ZFAT: variants seen among roughly 807,000 people sequenced by gnomAD.
ZFAT encodes zinc finger and AT-hook domain containing, also known as zinc finger protein ZFAT.
In ZFAT, 64 loss-of-function variants were observed where a neutral mutation model predicts 117.7. The ratio of observed to expected loss-of-function variants is 0.54; its 90% CI spans 0.44 to 0.67. ZFAT has a LOEUF of 0.67. Ranked by LOEUF, ZFAT falls within the 30% of genes least tolerant of loss-of-function variation. The pLI is 0.00. For synonymous variants in ZFAT, 679 were observed against 615.0 expected, an observed-to-expected ratio of 1.10 and a Z score of -1.54; for missense variants, 1,433 against 1,584.5, an observed-to-expected ratio of 0.90 and a Z score of 1.62.
At chr8:134,482,268 G>A (rs368416168) in intron 15 of ZFAT, among the ~76,000 whole-genome samples, 1 of 152,178 alleles carries the variant, frequency 6.6e-6, no homozygotes, top group African/African-American at 2.4e-5. Context: ...AGGCGTTTAG[G>A]GATGTCTGTC....
chr8:134,606,133 A>T (rs1827872492), intron 5 of ZFAT, among the ~76,000 whole-genome samples: 1 of 152,242 alleles, frequency 6.6e-6, no homozygotes, highest in East Asian at 1.9e-4. Context: ...AAAGAGGCCC[A>T]GATGGCTGGA....
intron 15 of ZFAT, among the ~76,000 whole-genome samples, chr8:134,481,399 C>T (rs897195701): frequency 2.0e-5 from 3 of 152,214 alleles, no homozygotes; most frequent in African/African-American, 7.2e-5. Context: ...GAGACAAACC[C>T]ATCCATGAGC....
Position 134,634,590 on chromosome 8 carries a change from C to CAT in ZFAT, c.448+2870_448+2871insAT, listed in dbSNP as rs781086640. ...GTCTACAAATATGTATACATATTGA[C>CAT]ACACACACACACACATTTAGGAATA... On this transcript the variant is annotated intron_variant, in intron 3 of 15. Transcript: ENST00000377838. Among the ~76,000 whole-genome samples, 5 of 147,160 alleles carry CAT rather than the reference C, an allele frequency of 3.4e-5. No homozygotes were observed. In the East Asian group the frequency reaches 9.7e-4, roughly 28 times the overall value.
chr8:134,551,417 C>T (rs1823159474), intron 11 of ZFAT, among the ~76,000 whole-genome samples: 1 of 152,176 alleles, frequency 6.6e-6, no homozygotes, highest in African/African-American at 2.4e-5. Context: ...ACAAAGAAAC[C>T]AGTCCACCCG....
intron 15 of ZFAT, among the ~76,000 whole-genome samples, chr8:134,507,798 C>T (rs1819526512): frequency 6.6e-6 from 1 of 152,176 alleles, no homozygotes; most frequent in Admixed American, 6.5e-5. Flanking sequence ...ACCAGAAGCA[C>T]CTTCCTGCAC....
At chr8:134,565,686 G>T (rs999061088) in intron 10 of ZFAT, 1 of 565,450 alleles carries the variant, frequency 1.8e-6, no homozygotes. Context: ...ATTCGATCAG[G>T]CTCCTAAAGA....
intron 3 of ZFAT, among the ~76,000 whole-genome samples, chr8:134,633,637 G>A (rs1397784566): frequency 2.6e-5 from 4 of 152,214 alleles, no homozygotes; most frequent in Non-Finnish European, 5.9e-5. Context: ...ACAGACCCTG[G>A]AGCCAGCCCA....
At chr8:134,552,041 A>G (rs1274573911) in intron 11 of ZFAT, among the ~76,000 whole-genome samples, 1 of 152,206 alleles carries the variant, frequency 6.6e-6, no homozygotes, top group Non-Finnish European at 1.5e-5. Context: ...AAAAACTGAT[A>G]AAGTTGGAAT....
At chr8:134,682,859 C>T (rs1304832261) in intron 1 of ZFAT, among the ~76,000 whole-genome samples, 3 of 152,148 alleles carry the variant, frequency 2.0e-5, no homozygotes, top group East Asian at 1.9e-4. Context: ...TCTGAGCTCA[C>T]TTCTATGGCA....
At chr8:134,746,064 G>A in the ZFAT span, among the ~76,000 whole-genome samples, 3 of 152,190 alleles carry the variant, frequency 2.0e-5, no homozygotes, top group African/African-American at 4.8e-5. Flanking sequence ...TTGGCCCTGA[G>A]TGTAAAACTT....
At chr8:134,720,091 A>T in the ZFAT span, among the ~76,000 whole-genome samples, 1 of 152,204 alleles carries the variant, frequency 6.6e-6, no homozygotes, top group African/African-American at 2.4e-5. Context: ...AAGGAAGCTC[A>T]AGCTAAACTA....
chr8:134,684,690 CAGGAAACT>C (rs1833235539), intron 1 of ZFAT, among the ~76,000 whole-genome samples: 2 of 152,166 alleles, frequency 1.3e-5, no homozygotes, highest in Non-Finnish European at 2.9e-5. Context: ...TAAAAGAAGA[CAGGAAACT>C]AGTTTAACCA....
At chr8:134,604,743 A>C (rs1827757743) in intron 5 of ZFAT, among the ~76,000 whole-genome samples, 1 of 152,254 alleles carries the variant, frequency 6.6e-6, no homozygotes, top group Non-Finnish European at 1.5e-5. Context: ...ATTGCAGTCC[A>C]TAAATACCAG....
At chr8:134,568,372 G>A (rs1824630629) in intron 10 of ZFAT, among the ~76,000 whole-genome samples, 1 of 152,190 alleles carries the variant, frequency 6.6e-6, no homozygotes, top group Non-Finnish European at 1.5e-5. Flanking sequence ...CACAGTTCCA[G>A]TTGAATCTCA....
intron 12 of ZFAT, among the ~76,000 whole-genome samples, chr8:134,527,272 G>A (rs933732191): frequency 6.6e-6 from 1 of 152,200 alleles, no homozygotes; most frequent in Admixed American, 6.5e-5. Flanking sequence ...TGTTAACTTG[G>A]TGAGACTCAT....
At chr8:134,661,195 G>A (rs189477121) in intron 1 of ZFAT, among the ~76,000 whole-genome samples, 12 of 152,356 alleles carry the variant, frequency 7.9e-5, no homozygotes, top group African/African-American at 1.2e-4. Context: ...GGAAGGGCGC[G>A]TGGGCAGGAG....
the ZFAT span, chr8:134,784,097 A>AG: frequency 6.6e-6 from 1 of 152,196 alleles, no homozygotes; most frequent in Non-Finnish European, 1.5e-5. Flanking sequence ...AGGATATTCC[A>AG]GGGGCTTAGC....
chr8:134,763,691 C>T, the ZFAT span, among the ~76,000 whole-genome samples: 27 of 152,258 alleles, frequency 1.8e-4, no homozygotes, highest in Admixed American at 5.9e-4. Context: ...ATAGAAGTTG[C>T]CTCCCTAAAG....
chr8:134,525,855 G>T (rs932727254), intron 12 of ZFAT, among the ~76,000 whole-genome samples: 1 of 152,230 alleles, frequency 6.6e-6, no homozygotes, highest in African/African-American at 2.4e-5. Context: ...AGCTCAGATG[G>T]ATGTTTATTT....
Sources: gnomAD v4.1 joint callset for allele counts (sites outside exome capture counted in the v4.1 genomes callset) on GRCh38, gnomAD v4.1.1 for gene constraint, MANE v1.5 for transcripts, NCBI Gene and HGNC (gene_info 2026-07-23, HGNC 2026-07-21) for gene names.